The following ABCC4 variants were observed in gnomAD, a reference collection of about 807,000 sequenced individuals.
ABCC4 encodes the protein ATP-binding cassette sub-family C member 4.
In ABCC4, 102 loss-of-function variants were observed where a neutral mutation model predicts 168.5. The observed-to-expected ratio is 0.61, with a 90% CI of 0.52 to 0.71. The LOEUF (loss-of-function observed/expected upper bound fraction) is 0.71, where lower values mean the gene tolerates loss of function less well. Ranked by LOEUF, ABCC4 falls within the 30% of genes least tolerant of loss-of-function variation. The pLI is 0.00. For synonymous variants in ABCC4, 617 were observed against 590.7 expected, an observed-to-expected ratio of 1.04 and a Z score of -0.65; for missense variants, 1,402 against 1,605.8, an observed-to-expected ratio of 0.87 and a Z score of 2.17.
chr13:95,241,841 G>C (rs1475142245), intron 3 of ABCC4, among the ~76,000 whole-genome samples: 1 of 152,150 alleles, frequency 6.6e-6, no homozygotes, highest in Non-Finnish European at 1.5e-5. Context: ...AGTACCCAGG[G>C]AAGGCCCTGC....
At chr13:95,182,346 T>C (rs201112823) in intron 11 of ABCC4, among the ~76,000 whole-genome samples, 1 of 3,106 alleles carries the variant, frequency 3.2e-4, no homozygotes, top group African/African-American at 3.0e-3. Flanking sequence ...TTCCATGCCT[T>C]TTTGGATACA....
intron 1 of ABCC4, among the ~76,000 whole-genome samples, chr13:95,286,311 G>C (rs1010887407): frequency 1.3e-5 from 2 of 151,570 alleles, no homozygotes; most frequent in Non-Finnish European, 2.9e-5. Context: ...GTAAAGTCAG[G>C]GTTCCACTAT....
intron 19 of ABCC4, among the ~76,000 whole-genome samples, chr13:95,140,742 G>A (rs867832151): frequency 2.6e-5 from 4 of 152,214 alleles, no homozygotes; most frequent in East Asian, 1.9e-4. Context: ...AGTATCTATC[G>A]ATTTCTATGG....
chr13:95,203,423 A>T (rs1011058993), intron 8 of ABCC4, among the ~76,000 whole-genome samples: 1 of 143,568 alleles, frequency 7.0e-6, no homozygotes, highest in Non-Finnish European at 1.5e-5. Context: ...TGCAACCTCC[A>T]CTTTTTGGGT....
At chr13:95,157,779 A>T (rs1473398690) in intron 19 of ABCC4, among the ~76,000 whole-genome samples, 4 of 152,210 alleles carry the variant, frequency 2.6e-5, no homozygotes, top group Non-Finnish European at 4.4e-5. Context: ...TCCTAGAAAC[A>T]GAAACTTCAG....
At chr13:95,170,330 T>C (rs886238524) in intron 14 of ABCC4, 29 of 447,868 alleles carry the variant, frequency 6.5e-5, no homozygotes, top group African/African-American at 5.4e-4. Flanking sequence ...AACAATGTAG[T>C]AACCTTGAGG....
intron 9 of ABCC4, among the ~76,000 whole-genome samples, chr13:95,192,691 G>A (rs1463178676): frequency 6.6e-6 from 1 of 152,164 alleles, no homozygotes. Context: ...GCCAAGGCGG[G>A]CAGATCACTT....
chr13:95,171,380 G>A (rs1401120606), intron 13 of ABCC4, among the ~76,000 whole-genome samples: 1 of 118,970 alleles, frequency 8.4e-6, no homozygotes, highest in Non-Finnish European at 1.7e-5. Flanking sequence ...TGTAAACGTA[G>A]ACTCCTGGGA....
At chr13:95,178,231 G>T in intron 11 of ABCC4, 140 bp from the exon 12 acceptor site, 1 of 717,500 alleles carries the variant, frequency 1.4e-6, no homozygotes, top group Non-Finnish European at 2.4e-6. Context: ...AACAGCAATG[G>T]AAATATTTCA....
intron 8 of ABCC4, among the ~76,000 whole-genome samples, chr13:95,195,739 T>C (rs2038396364): frequency 6.6e-6 from 1 of 152,128 alleles, no homozygotes; most frequent in Non-Finnish European, 1.5e-5. Flanking sequence ...GTTCAAGTGA[T>C]TCTCCAGCCT....
At chr13:95,168,029 C>G (rs182838652) in intron 14 of ABCC4, among the ~76,000 whole-genome samples, 14 of 152,194 alleles carry the variant, frequency 9.2e-5, no homozygotes, top group African/African-American at 3.1e-4. Context: ...CCAGGCCCAG[C>G]CAATTTTTTT....
intron 13 of ABCC4, among the ~76,000 whole-genome samples, chr13:95,173,470 C>T (rs114589020): frequency 2.6e-5 from 4 of 152,152 alleles, no homozygotes; most frequent in Admixed American, 2.6e-4. Context: ...TTCTCTTTTG[C>T]CCAGGCAAAC....
intron 19 of ABCC4, among the ~76,000 whole-genome samples, chr13:95,158,595 G>T (rs1210323990): frequency 6.6e-6 from 1 of 152,198 alleles, no homozygotes; most frequent in East Asian, 1.9e-4. Context: ...CTAAGAGCTT[G>T]CTTTTAATAA....
chr13:95,078,478 C>T (rs1219692425), intron 21 of ABCC4, among the ~76,000 whole-genome samples: 4 of 152,078 alleles, frequency 2.6e-5, no homozygotes, highest in Non-Finnish European at 4.4e-5. Flanking sequence ...TAACCTTTTA[C>T]TCGTTATTTG....
chr13:95,189,659 G>A (rs75486353), intron 9 of ABCC4, among the ~76,000 whole-genome samples: 1 of 152,162 alleles, frequency 6.6e-6, no homozygotes, highest in Non-Finnish European at 1.5e-5. Flanking sequence ...ATACTATAAA[G>A]TCACTCTTGG....
intron 1 of ABCC4, among the ~76,000 whole-genome samples, chr13:95,271,756 G>A (rs773603786): frequency 5.9e-5 from 9 of 152,062 alleles, no homozygotes; most frequent in South Asian, 2.1e-4. Flanking sequence ...AACAGAGCAC[G>A]CAGCGTGACA....
In ABCC4 at chr13:95,195,834, A is replaced by G. The variant is rs2038399283; in HGVS notation, c.1162-897T>C. On this transcript the variant is annotated intron_variant, in intron 8 of 30. Coordinates refer to ENST00000645237, the MANE Select transcript of ABCC4 (RefSeq NM_005845.5). ...TTTACACTGGAGACAGGGTTTCACC[A>G]TGTTAGCCAGGCTGGTCTCGAACTG... Among the ~76,000 whole-genome samples, 6 of 152,082 alleles carry G rather than the reference A, an allele frequency of 3.9e-5. No homozygotes were observed. In the South Asian group the frequency reaches 1.2e-3, roughly 32 times the overall value.
chr13:95,134,926 T>TG (rs1021212993), intron 19 of ABCC4, among the ~76,000 whole-genome samples: 1 of 151,938 alleles, frequency 6.6e-6, no homozygotes. Flanking sequence ...AGTCTGAACT[T>TG]GGGGGGAAAA....
intron 30 of ABCC4, among the ~76,000 whole-genome samples, chr13:95,029,203 TATATATATATAGAGAGAGAGAGAG>T (rs2031718811): frequency 4.5e-4 from 26 of 57,722 alleles, no homozygotes; most frequent in African/African-American, 1.7e-3. Context: ...TATATATATA[TATATATATATAGAGAGAGAGAGAG>T]AGAGAGAGAG....
Sources: gnomAD v4.1 joint callset for allele counts (sites outside exome capture counted in the v4.1 genomes callset) on GRCh38, gnomAD v4.1.1 for gene constraint, MANE v1.5 for transcripts, NCBI Gene and HGNC (gene_info 2026-07-23, HGNC 2026-07-21) for gene names.